PTPN3: variants seen among roughly 807,000 people sequenced by gnomAD.
The protein encoded by PTPN3 is tyrosine-protein phosphatase non-receptor type 3.
Under a neutral mutation model 132.7 loss-of-function variants are expected in PTPN3, and 96 were observed. That is an observed-to-expected ratio of 0.72 (90% CI 0.61 to 0.86). The LOEUF (loss-of-function observed/expected upper bound fraction) is 0.86. PTPN3 is among the 40% of genes least tolerant of loss of function. PTPN3 has a pLI of 0.00. For synonymous variants in PTPN3, 398 were observed against 429.0 expected (o/e 0.93, Z 0.89); for missense variants, 1,125 against 1,159.6 (o/e 0.97, Z 0.43).
At chr9:109,483,563 C>T (rs1202557877) in intron 1 of PTPN3, among the ~76,000 whole-genome samples, 1 of 152,144 alleles carries the variant, frequency 6.6e-6, no homozygotes, top group African/African-American at 2.4e-5. Context: ...GACCATGGCT[C>T]AGCCTCCGGC....
At chr9:109,517,391 A>G in the PTPN3 span, among the ~76,000 whole-genome samples, 1 of 152,162 alleles carries the variant, frequency 6.6e-6, no homozygotes, top group African/African-American at 2.4e-5. Flanking sequence ...GTGATGCTAT[A>G]AGTTCAAATT....
chr9:109,537,633 CT>C, the PTPN3 span, among the ~76,000 whole-genome samples: 1 of 152,192 alleles, frequency 6.6e-6, no homozygotes, highest in African/African-American at 2.4e-5. Flanking sequence ...AAGATTGGGG[CT>C]TAGCTGAGTC....
chr9:109,532,481 A>C, the PTPN3 span, among the ~76,000 whole-genome samples: 1 of 152,044 alleles, frequency 6.6e-6, no homozygotes, highest in Non-Finnish European at 1.5e-5. Context: ...CAAGTTGTAA[A>C]CTTTCATTAC....
intron 1 of PTPN3, among the ~76,000 whole-genome samples, chr9:109,481,384 G>C (rs528950120): frequency 6.6e-6 from 1 of 152,296 alleles, no homozygotes; most frequent in South Asian, 2.1e-4. Context: ...AAAGGGGATG[G>C]GGAAATGAAC....
At chr9:109,481,922 A>G (rs1031430563) in intron 1 of PTPN3, among the ~76,000 whole-genome samples, 3 of 152,322 alleles carry the variant, frequency 2.0e-5, no homozygotes, top group South Asian at 2.1e-4. Flanking sequence ...TGACAAAGAC[A>G]GGGAGGGCTG....
chr9:109,460,232 G>A (rs1013442411), intron 2 of PTPN3, among the ~76,000 whole-genome samples: 3 of 152,016 alleles, frequency 2.0e-5, no homozygotes, highest in African/African-American at 4.8e-5. Context: ...CTGTTCTTTC[G>A]CATTCCAAAT....
At position 109,457,156 on chromosome 9, in the gene PTPN3, G is replaced by A; in HGVS notation, c.289+17C>T. The A allele has an allele frequency of 6.2e-7, 1 of 1,611,498 alleles. No homozygotes were observed. Among genetic ancestry groups the A allele is most frequent in the Non-Finnish European group, 8.5e-7 (1 of 1,177,642 alleles). On this transcript the variant is annotated intron_variant, in intron 4 of 25. Coordinates refer to ENST00000374541, the MANE Select transcript of PTPN3 (RefSeq NM_002829.4). Reference sequence around the variant, plus strand: ...CTAACACCTAATGTTCGACTGAAATGAAAAGATCACACCAACCTTTTAACT... The same window carrying A: ...CTAACACCTAATGTTCGACTGAAATAAAAAGATCACACCAACCTTTTAACT...
chr9:109,398,161 C>T (rs189011385), intron 19 of PTPN3, among the ~76,000 whole-genome samples: 36 of 152,292 alleles, frequency 2.4e-4, no homozygotes, highest in Non-Finnish European at 4.7e-4. Context: ...GTAATCCTAG[C>T]TACTGAGGAA....
In PTPN3 at chr9:109,463,385, G is replaced by T; in HGVS notation, c.50C>A (p.Thr17Asn). 3.7e-6 allele frequency: 6 copies of T among 1,613,292 alleles called. No homozygotes were observed. The highest frequency in any genetic ancestry group is 5.1e-6 in the Non-Finnish European group (6 of 1,179,838). ...AGTTTTCTCTTTGGGTAACTCCGAG[G>T]TGCGTATATTATTAATTCTTCCACC... ...ALGGRINNIR[T>N]SELPKEKTRS... The change falls in exon 2 of 26, where the codon ACC (threonine) becomes AAC (asparagine). Residue 17 changes from threonine (T) to asparagine (N), a missense_variant. Coordinates refer to ENST00000374541, the MANE Select transcript of PTPN3 (RefSeq NM_002829.4).
Position 109,382,381 on chromosome 9 carries a change from C to A in PTPN3, c.2449G>T (p.Asp817Tyr), listed in dbSNP as rs371886206. Reference sequence around the variant, plus strand: ...ACAAATTCCAGAAAGTCGGAGGAGTCATCGGGCACACCGTGGTCAGGCCAT... The same window carrying A: ...ACAAATTCCAGAAAGTCGGAGGAGTAATCGGGCACACCGTGGTCAGGCCAT... ...VAWPDHGVPD[D>Y]SSDFLEFVNY... The change falls in exon 24 of 26, where the codon GAC becomes TAC. Residue 817 changes from aspartate to tyrosine, a missense_variant. Physicochemically the swap from Asp to Tyr is radical, Grantham distance 160. Coordinates refer to ENST00000374541, the MANE Select transcript of PTPN3 (RefSeq NM_002829.4). 56 of 1,614,064 alleles carry A rather than the reference C, an allele frequency of 3.5e-5. No individual in the cohort carries two copies. The highest frequency in any genetic ancestry group is 4.6e-5 in the Non-Finnish European group (54 of 1,180,008).
intron 7 of PTPN3, among the ~76,000 whole-genome samples, chr9:109,441,703 A>C (rs1410657678): frequency 6.6e-6 from 1 of 151,862 alleles, no homozygotes; most frequent in Admixed American, 6.6e-5. Context: ...GCCATTAACA[A>C]TTTTCCATCA....
At chr9:109,527,933 C>A in the PTPN3 span, among the ~76,000 whole-genome samples, 6 of 151,916 alleles carry the variant, frequency 3.9e-5, no homozygotes, top group African/African-American at 1.4e-4. Context: ...CCATCTAATT[C>A]AAAAAAATAG....
intron 1 of PTPN3, among the ~76,000 whole-genome samples, chr9:109,497,774 G>A (rs1327471796): frequency 6.6e-6 from 1 of 152,068 alleles, no homozygotes; most frequent in Non-Finnish European, 1.5e-5. Context: ...GATTCGCCCT[G>A]GGAGCCGAGC....
chr9:109,529,789 T>C, the PTPN3 span, among the ~76,000 whole-genome samples: 1 of 152,208 alleles, frequency 6.6e-6, no homozygotes, highest in Non-Finnish European at 1.5e-5. Context: ...ACTGAAACTG[T>C]ATACCTATTA....
At chr9:109,474,342 T>C (rs528976120) in intron 1 of PTPN3, among the ~76,000 whole-genome samples, 11 of 152,200 alleles carry the variant, frequency 7.2e-5, no homozygotes, top group Non-Finnish European at 1.3e-4. Context: ...GCCTCCTTGG[T>C]TGCTACTTTG....
At chr9:109,464,375 G>C (rs1469800761) in intron 1 of PTPN3, among the ~76,000 whole-genome samples, 1 of 152,196 alleles carries the variant, frequency 6.6e-6, no homozygotes, top group Non-Finnish European at 1.5e-5. Context: ...ACACAAAGAA[G>C]GGAGCAATAG....
intron 1 of PTPN3, among the ~76,000 whole-genome samples, chr9:109,475,703 G>A (rs183194039): frequency 6.6e-6 from 1 of 152,270 alleles, no homozygotes; most frequent in East Asian, 1.9e-4. Flanking sequence ...TTAGGCTCTG[G>A]CCCCCACCCC....
At chr9:109,507,682 G>A in the PTPN3 span, among the ~76,000 whole-genome samples, 1 of 152,252 alleles carries the variant, frequency 6.6e-6, no homozygotes, top group Admixed American at 6.5e-5. Flanking sequence ...TTCAGCCAGG[G>A]ACAGCAGAGT....
intron 1 of PTPN3, among the ~76,000 whole-genome samples, chr9:109,472,954 A>G (rs769725297): frequency 5.3e-5 from 8 of 152,242 alleles, no homozygotes; most frequent in Non-Finnish European, 1.0e-4. Context: ...TTTAAATAAC[A>G]TTTTTAAAGC....
Sources: allele counts gnomAD v4.1 joint callset (sites outside exome capture counted in the v4.1 genomes callset), GRCh38; gene constraint gnomAD v4.1.1; transcripts MANE v1.5; gene names NCBI Gene and HGNC (gene_info 2026-07-23, HGNC 2026-07-21).